Variants in IL1RAPL1 observed in about 807,000 individuals in gnomAD.
IL1RAPL1 encodes the protein interleukin-1 receptor accessory protein-like 1.
Under a neutral mutation model 48.4 loss-of-function variants are expected in IL1RAPL1, and 3 were observed. That is an observed-to-expected ratio of 0.06 (90% CI 0.03 to 0.16). The LOEUF (loss-of-function observed/expected upper bound fraction) is 0.16. Ranked by LOEUF, IL1RAPL1 falls within the 10% of genes least tolerant of loss-of-function variation. The pLI is 1.00. For missense variants in IL1RAPL1, 349 were observed against 530.6 expected (o/e 0.66, Z 3.36); for synonymous variants, 185 against 187.7 (o/e 0.99, Z 0.12).
chrX:28,707,182 G>A (rs751053657), intron 1 of IL1RAPL1, among the ~76,000 whole-genome samples: 1 of 112,297 alleles, frequency 8.9e-6, no homozygotes, highest in South Asian at 3.7e-4. Context: ...CTCTGCCTGA[G>A]GGGTTTTGTT....
At chrX:28,667,950 A>G (rs1479144498) in intron 1 of IL1RAPL1, among the ~76,000 whole-genome samples, 2 of 111,573 alleles carry the variant, frequency 1.8e-5, no homozygotes, top group East Asian at 5.7e-4. Flanking sequence ...CTGGATTCAG[A>G]TTTCATCATA....
intron 2 of IL1RAPL1, among the ~76,000 whole-genome samples, chrX:29,113,785 T>C (rs1928620859): frequency 9.0e-6 from 1 of 111,437 alleles, no homozygotes. Flanking sequence ...TTCAGAACTT[T>C]TGGAGGGGGC....
intron 2 of IL1RAPL1, among the ~76,000 whole-genome samples, chrX:29,065,971 C>G (rs931797882): frequency 8.9e-6 from 1 of 111,752 alleles, no homozygotes; most frequent in East Asian, 2.8e-4. Context: ...TTATTTTGAA[C>G]ATGCTTATAT....
At chrX:29,249,341 A>G (rs1931568127) in intron 2 of IL1RAPL1, among the ~76,000 whole-genome samples, 1 of 112,138 alleles carries the variant, frequency 8.9e-6, no homozygotes, top group Admixed American at 9.5e-5. Context: ...GCATTGAGCT[A>G]GAATTATTTT....
intron 5 of IL1RAPL1, among the ~76,000 whole-genome samples, chrX:29,413,137 A>G (rs1934166198): frequency 9.0e-6 from 1 of 110,634 alleles, no homozygotes; most frequent in Non-Finnish European, 1.9e-5. Flanking sequence ...GTTTAGAAAA[A>G]GGGAGTTCCC....
Position 28,708,609 on chromosome X carries a change from G to A in IL1RAPL1, c.-24-80711G>A, listed in dbSNP as rs186163181. On this transcript the variant is annotated intron_variant, in intron 1 of 10. Coordinates refer to ENST00000378993, the MANE Select transcript of IL1RAPL1 (RefSeq NM_014271.4). ...AAATGTGGTATATATACACATAAGG[G>A]AATACTATATTGTTCAGGTATAAAA... Among the ~76,000 whole-genome samples, 6 of 111,722 alleles carry A rather than the reference G, an allele frequency of 5.4e-5. No individual in the cohort carries two copies. The East Asian group carries it at 1.7e-3, about 32-fold the overall frequency.
chrX:29,552,802 C>CTTTTTTTTTTTTTTTTTTTTTTTTTTTT (rs765234944), intron 5 of IL1RAPL1, among the ~76,000 whole-genome samples: 1 of 22,988 alleles, frequency 4.4e-5, no homozygotes, highest in Non-Finnish European at 7.5e-5. Context: ...TTTCACTCTC[C>CTTTTTTTTTTTTTTTTTTTTTTTTTTTT]TTTTTTTTTT....
intron 1 of IL1RAPL1, among the ~76,000 whole-genome samples, chrX:28,763,362 T>C (rs1936198459): frequency 8.9e-6 from 1 of 112,286 alleles, no homozygotes; most frequent in Non-Finnish European, 1.9e-5. Context: ...AATGTTATGA[T>C]AATTGTCGTC....
rs140249298 is a variant in IL1RAPL1 at position 29,954,842 on chromosome X, T to C, written c.1372+150T>C. On this transcript the variant is annotated intron_variant, in intron 10 of 10. Coordinates refer to ENST00000378993, the MANE Select transcript of IL1RAPL1 (RefSeq NM_014271.4). The stretch of plus-strand genomic sequence containing the variant: ...AAAGAAACGTCTTTGTGTGTTCACA[T>C]GAAATTTAATTTTTGCTAGCTCAGA... 2,639 of 549,014 alleles carry C rather than the reference T, an allele frequency of 4.8e-3. 52 individuals carry two copies. In the African/African-American group the frequency reaches 0.054, roughly 11 times the overall value. 45.2% of individuals were successfully genotyped at this position (549,014 alleles called of 1,213,427 possible).
At chrX:29,245,239 T>C (rs1436128535) in intron 2 of IL1RAPL1, among the ~76,000 whole-genome samples, 3 of 111,578 alleles carry the variant, frequency 2.7e-5, no homozygotes, top group African/African-American at 9.8e-5. Flanking sequence ...TAAACATACA[T>C]GTGCATGTGT....
At chrX:29,753,259 A>G (rs761259635) in intron 6 of IL1RAPL1, among the ~76,000 whole-genome samples, 2 of 111,776 alleles carry the variant, frequency 1.8e-5, no homozygotes, top group East Asian at 5.6e-4. Context: ...CACTTGCTTC[A>G]TTGTTTATTT....
chrX:29,147,699 C>A (rs1285279980), intron 2 of IL1RAPL1, among the ~76,000 whole-genome samples: 1 of 111,917 alleles, frequency 8.9e-6, no homozygotes, highest in Non-Finnish European at 1.9e-5. Flanking sequence ...TCTTTTGGCC[C>A]TGTGGCTTCC....
At chrX:29,753,619 T>A (rs778749335) in intron 6 of IL1RAPL1, among the ~76,000 whole-genome samples, 1 of 111,375 alleles carries the variant, frequency 9.0e-6, no homozygotes, top group Admixed American at 9.6e-5. Flanking sequence ...CTGCATGGTG[T>A]AAGGATGATT....
intron 2 of IL1RAPL1, among the ~76,000 whole-genome samples, chrX:29,087,049 G>A (rs1463000694): frequency 2.7e-5 from 3 of 110,630 alleles, no homozygotes; most frequent in Non-Finnish European, 5.7e-5. Context: ...TCTGTGCTCT[G>A]TCTCCAGAAA....
chrX:28,683,196 G>T (rs991018868), intron 1 of IL1RAPL1, among the ~76,000 whole-genome samples: 7 of 111,110 alleles, frequency 6.3e-5, no homozygotes, highest in African/African-American at 2.3e-4. Flanking sequence ...AATTAGAGTG[G>T]GCAAGAGAAG....
chrX:28,622,963 A>C (rs982924645), intron 1 of IL1RAPL1, among the ~76,000 whole-genome samples: 3 of 111,807 alleles, frequency 2.7e-5, no homozygotes, highest in Non-Finnish European at 5.6e-5. Flanking sequence ...GTAGAAAAAA[A>C]TAGGATATAC....
chrX:29,927,426 C>G (rs759711603), intron 8 of IL1RAPL1, among the ~76,000 whole-genome samples: 1 of 111,881 alleles, frequency 8.9e-6, no homozygotes, highest in South Asian at 3.7e-4. Context: ...CCTATTTGAA[C>G]AGTGGTTCAT....
At chrX:28,789,040 C>G (rs2147265056) in intron 1 of IL1RAPL1, among the ~76,000 whole-genome samples, 1 of 111,179 alleles carries the variant, frequency 9.0e-6, no homozygotes, top group Admixed American at 9.6e-5. Context: ...TTAAATACAA[C>G]TAGGGCGTTT....
At chrX:29,905,245 T>A (rs1299761192) in intron 6 of IL1RAPL1, among the ~76,000 whole-genome samples, 3 of 111,475 alleles carry the variant, frequency 2.7e-5, no homozygotes, top group African/African-American at 9.8e-5. Context: ...TTTGTTTAAG[T>A]TCCTTGTAGA....
Sources: allele counts gnomAD v4.1 joint callset (sites outside exome capture counted in the v4.1 genomes callset), GRCh38; gene constraint gnomAD v4.1.1; transcripts MANE v1.5; gene names NCBI Gene and HGNC (gene_info 2026-07-23, HGNC 2026-07-21).